Variants in TRPM3 observed in about 807,000 individuals in gnomAD.
The protein encoded by TRPM3 is long transient receptor potential channel 3.
In TRPM3, 77 loss-of-function variants were observed where a neutral mutation model predicts 181.2. The ratio of observed to expected loss-of-function variants is 0.42; its 90% confidence interval spans 0.35 to 0.51. The LOEUF (loss-of-function observed/expected upper bound fraction) is 0.51, where lower values mean the gene tolerates loss of function less well. TRPM3 is among the 20% of genes least tolerant of loss of function. TRPM3 has a pLI of 0.01. For synonymous variants in TRPM3, 745 were observed against 796.4 expected, an observed-to-expected ratio of 0.94 and a Z score of 1.09; for missense variants, 1,759 against 2,196.7, an observed-to-expected ratio of 0.80 and a Z score of 3.98.
intron 22 of TRPM3, among the ~76,000 whole-genome samples, chr9:70,561,588 G>A (rs1464115164): frequency 6.6e-6 from 1 of 152,172 alleles, no homozygotes; most frequent in Admixed American, 6.5e-5. Context: ...AGAGTCAAAA[G>A]CACCATCTAC....
At chr9:71,412,157 C>A (rs1407007876) in intron 1 of TRPM3, among the ~76,000 whole-genome samples, 4 of 152,058 alleles carry the variant, frequency 2.6e-5, no homozygotes, top group African/African-American at 9.7e-5. Context: ...AGAAGAAAAC[C>A]TAGGCAATAC....
chr9:70,536,251 A>G lies in TRPM3; in HGVS notation c.4862T>C (p.Ile1621Thr), dbSNP rs551255724. The G allele has an allele frequency of 8.7e-6, 14 of 1,614,176 alleles. No homozygotes were observed. Among genetic ancestry groups the G allele is most frequent in the East Asian group, 6.7e-5 (3 of 44,874 alleles). ...ATCACCCTCCTGGGAGGATATTGCA[A>G]TGGTGGCTCTGCGGCCTTTGGCCTC... ...ENEAKGRRAT[I>T]AISSQEGDNS... Residue 1621 changes from isoleucine to threonine, a missense_variant, in exon 26 of 26, where the codon ATT (isoleucine) becomes ACT (threonine). By Grantham distance (89) the Ile-to-Thr change is moderately conservative. This residue lies in a region of TRPM3 where 612 missense variants were observed against 590.0 expected (regional missense o/e 1.04). Transcript: ENST00000677713.
At position 70,983,127 on chromosome 9, in the gene TRPM3, G is replaced by A. The variant is rs542956592; in HGVS notation, c.178-118616C>T. 2.6e-4 allele frequency among the ~76,000 whole-genome samples: 40 copies of A among 152,044 alleles called. 1 individual carries two copies. In the East Asian group the frequency reaches 4.8e-3, roughly 18 times the overall value. Reference sequence around the variant, plus strand: ...AGACCTCCATATTGCCAAATCCACCGAACTCTCCACCACATTAGACACTGT... The same window carrying A: ...AGACCTCCATATTGCCAAATCCACCAAACTCTCCACCACATTAGACACTGT... On this transcript the variant is annotated intron_variant, in intron 1 of 25. Coordinates refer to ENST00000677713, the MANE Select transcript of TRPM3 (RefSeq NM_001366145.2).
intron 1 of TRPM3, among the ~76,000 whole-genome samples, chr9:71,020,734 G>T (rs2097840899): frequency 6.6e-6 from 1 of 152,106 alleles, no homozygotes; most frequent in Non-Finnish European, 1.5e-5. Context: ...ACCAAGTTTT[G>T]GTGAGTTAAT....
intron 1 of TRPM3, among the ~76,000 whole-genome samples, chr9:71,047,840 AC>A (rs1565069214): frequency 8.1e-6 from 1 of 123,104 alleles, no homozygotes; most frequent in East Asian, 2.2e-4. Flanking sequence ...ACACACACAC[AC>A]ACACACACAC....
rs368349844 is a variant in TRPM3 at position 70,618,936 on chromosome 9, C to T, written c.2289G>A (p.Thr763=). 1.4e-5 allele frequency: 22 copies of T among 1,613,344 alleles called. No homozygotes were observed. Among genetic ancestry groups the T allele is most frequent in the Middle Eastern group, 1.6e-4 (1 of 6,084 alleles). ...TGTCGGTGAGCAGCATCTGGCTGCACGTGTGCGCGATGAAGTCGCGGTGTT... is the reference window on the plus strand; with the variant it reads ...TGTCGGTGAGCAGCATCTGGCTGCATGTGTGCGCGATGAAGTCGCGGTGTT... The part of the protein sequence containing the change: ...AAKHRDFIAH[T]CSQMLLTDMW... The change falls in exon 17 of 26, where the codon ACG becomes ACA. Residue 763 remains threonine, a synonymous_variant. Transcript: ENST00000677713.
chr9:70,659,786 G>A (rs759439778), intron 9 of TRPM3, among the ~76,000 whole-genome samples: 1 of 152,102 alleles, frequency 6.6e-6, no homozygotes, highest in Non-Finnish European at 1.5e-5. Flanking sequence ...TTAATTTGGA[G>A]TCACAAAAAC....
chr9:71,410,993 G>C (rs1264245311), intron 1 of TRPM3, among the ~76,000 whole-genome samples: 1 of 152,084 alleles, frequency 6.6e-6, no homozygotes, highest in Non-Finnish European at 1.5e-5. Context: ...CAGAACCAAA[G>C]ACAAAAACCA....
chr9:70,696,521 A>G (rs1564036655), intron 8 of TRPM3, among the ~76,000 whole-genome samples: 1 of 152,202 alleles, frequency 6.6e-6, no homozygotes, highest in Non-Finnish European at 1.5e-5. Context: ...TTGGTCAGGA[A>G]CATTCCCATG....
chr9:71,128,595 T>C, intron 1 of TRPM3, among the ~76,000 whole-genome samples: 1 of 152,198 alleles, frequency 6.6e-6, no homozygotes, highest in South Asian at 2.1e-4. Flanking sequence ...CCGCAACACA[T>C]ACACACATGT....
chr9:71,324,067 A>G (rs778681348), intron 1 of TRPM3, among the ~76,000 whole-genome samples: 24 of 152,182 alleles, frequency 1.6e-4, no homozygotes, highest in South Asian at 6.2e-4. Flanking sequence ...AAAATTGTGA[A>G]TTTTCTCTTC....
chr9:70,785,075 T>C (rs1027380657), intron 6 of TRPM3, among the ~76,000 whole-genome samples: 5 of 152,200 alleles, frequency 3.3e-5, no homozygotes, highest in African/African-American at 1.2e-4. Context: ...CATGTTGAAT[T>C]ACCCAGGAGA....
intron 3 of TRPM3, among the ~76,000 whole-genome samples, chr9:70,862,470 T>A (rs943866551): frequency 1.6e-4 from 24 of 152,268 alleles, no homozygotes; most frequent in African/African-American, 5.3e-4. Flanking sequence ...TAATCATTTC[T>A]ACTTTGAATT....
chr9:70,909,874 C>G (rs925284239), intron 1 of TRPM3, among the ~76,000 whole-genome samples: 2 of 152,074 alleles, frequency 1.3e-5, no homozygotes, highest in Non-Finnish European at 2.9e-5. Context: ...CATTCCCACC[C>G]TAATAGCTAA....
Position 70,923,845 on chromosome 9 carries a change from C to T in TRPM3, c.178-59334G>A, listed in dbSNP as rs200002463. ...CTCTCTCTCTATATATATATATATA[C>T]ACACACACACACATATATATATATA... is the stretch of plus-strand genomic sequence containing the variant. On this transcript the variant is annotated intron_variant, in intron 1 of 25. Coordinates refer to ENST00000677713, the MANE Select transcript of TRPM3 (RefSeq NM_001366145.2). Among the ~76,000 whole-genome samples, 896 of 111,598 alleles carry T rather than the reference C, an allele frequency of 8.0e-3. 8 individuals carry two copies. The highest frequency in any genetic ancestry group is 0.029 in the African/African-American group (791 of 27,734). 73.2% of individuals were successfully genotyped at this position (111,598 alleles called of 152,430 possible). A position where few individuals can be genotyped will look rare whatever the true frequency, so the allele number is the denominator to read the frequency against.
chr9:71,234,434 C>T (rs929196757), intron 1 of TRPM3, among the ~76,000 whole-genome samples: 141 of 152,232 alleles, frequency 9.3e-4, no homozygotes, highest in African/African-American at 3.2e-3. Context: ...TATTAGTATG[C>T]TAGTGCTGCC....
At chr9:70,690,442 T>C (rs1448500297) in intron 8 of TRPM3, among the ~76,000 whole-genome samples, 2 of 152,156 alleles carry the variant, frequency 1.3e-5, no homozygotes, top group Non-Finnish European at 2.9e-5. Context: ...AGTTTTTTCA[T>C]AGAATCTGGC....
chr9:70,664,641 G>GTTTTTTT (rs71367210), intron 9 of TRPM3, among the ~76,000 whole-genome samples: 8 of 100,278 alleles, frequency 8.0e-5, no homozygotes, highest in South Asian at 3.6e-4. Context: ...TAGGAGAGTA[G>GTTTTTTT]TTTTTTTTTT....
chr9:71,283,243 G>T (rs78333598), intron 1 of TRPM3, among the ~76,000 whole-genome samples: 5,356 of 152,172 alleles, frequency 0.035, 339 homozygotes, highest in African/African-American at 0.12. Context: ...GTTTTACTTA[G>T]CATGATGTCC....
Sources: allele counts gnomAD v4.1 joint callset (sites outside exome capture counted in the v4.1 genomes callset), GRCh38; gene constraint gnomAD v4.1.1; regional missense constraint gnomAD v4.1.1; transcripts MANE v1.5; gene names NCBI Gene and HGNC (gene_info 2026-07-23, HGNC 2026-07-21).